The following FER1L6 variants were observed in gnomAD, a reference collection of about 807,000 sequenced individuals.
FER1L6 encodes the protein fer-1 like family member 6.
Under a neutral mutation model 219.2 loss-of-function variants are expected in FER1L6, and 177 were observed. The ratio of observed to expected loss-of-function variants is 0.81; its 90% CI spans 0.71 to 0.91. FER1L6 has a LOEUF of 0.91. Ranked by LOEUF, FER1L6 falls within the 40% of genes least tolerant of loss-of-function variation. The pLI is 0.00. For missense variants in FER1L6, 2,153 were observed against 2,259.9 expected (o/e 0.95, Z 0.96); for synonymous variants, 768 against 824.3 (o/e 0.93, Z 1.17).
chr8:123,900,110 A>T (rs981429082), intron 1 of FER1L6, among the ~76,000 whole-genome samples: 1 of 152,112 alleles, frequency 6.6e-6, no homozygotes. Context: ...CACAATATTG[A>T]TTCTACCCAT....
intron 1 of FER1L6, among the ~76,000 whole-genome samples, chr8:123,919,895 G>C (rs1413009284): frequency 1.3e-5 from 2 of 152,204 alleles, no homozygotes; most frequent in African/African-American, 4.8e-5. Flanking sequence ...GGGCCAGCAA[G>C]GGGGAGCAGG....
chr8:123,966,526 T>A (rs1216925397), intron 5 of FER1L6, among the ~76,000 whole-genome samples: 1 of 152,252 alleles, frequency 6.6e-6, no homozygotes, highest in Non-Finnish European at 1.5e-5. Context: ...TGCTACGTTT[T>A]CAACATACGT....
At chr8:123,987,513 G>A (rs1226377405) in intron 12 of FER1L6, among the ~76,000 whole-genome samples, 1 of 152,098 alleles carries the variant, frequency 6.6e-6, no homozygotes, top group Non-Finnish European at 1.5e-5. Context: ...ATGTACATCA[G>A]CTTTTTAACT....
At chr8:124,057,847 A>G (rs912896847) in intron 22 of FER1L6, among the ~76,000 whole-genome samples, 11 of 151,994 alleles carry the variant, frequency 7.2e-5, no homozygotes, top group Admixed American at 6.5e-4. Context: ...TTCTTTTTTT[A>G]TTATAGATTT....
intron 1 of FER1L6, among the ~76,000 whole-genome samples, chr8:123,935,888 G>T (rs947827173): frequency 1.4e-4 from 21 of 150,540 alleles, no homozygotes; most frequent in Admixed American, 6.6e-4. Context: ...CAGTAAGGGG[G>T]ACCAACAGAA....
chr8:123,953,669 C>T (rs962146678), intron 1 of FER1L6, among the ~76,000 whole-genome samples: 8 of 152,174 alleles, frequency 5.3e-5, no homozygotes, highest in East Asian at 1.9e-4. Flanking sequence ...ATGTCTCCCT[C>T]GGCAGATACT....
chr8:124,097,459 A>C lies in FER1L6; in HGVS notation c.4784+100A>C. 4 of 867,476 alleles carry C rather than the reference A, an allele frequency of 4.6e-6. No homozygotes were observed. The South Asian group carries it at 6.4e-5, about 14-fold the overall frequency. The allele number at this position is 867,476 out of a possible 1,614,324, so 53.7% of individuals were successfully genotyped here. A position where few individuals can be genotyped will look rare whatever the true frequency, so the allele number is the denominator to read the frequency against. On this transcript the variant is annotated intron_variant, in intron 36 of 40. Transcript: ENST00000522917. ...GTGTCTGACAGGTTACCTGATCATC[A>C]TACCTCACTATCCACCCGGCCAGTT... is the stretch of plus-strand genomic sequence containing the variant.
chr8:124,112,885 G>A (rs572691824), intron 39 of FER1L6, among the ~76,000 whole-genome samples: 4 of 152,144 alleles, frequency 2.6e-5, no homozygotes, highest in Non-Finnish European at 4.4e-5. Context: ...AAGATAGGGT[G>A]TATAATGTGA....
chr8:123,889,499 T>G (rs2129691387), intron 1 of FER1L6, among the ~76,000 whole-genome samples: 1 of 152,262 alleles, frequency 6.6e-6, no homozygotes, highest in South Asian at 2.1e-4. Context: ...ATCTGATAGT[T>G]CAGGATTTTT....
At chr8:123,992,339 TTG>T (rs780980198) in intron 12 of FER1L6, among the ~76,000 whole-genome samples, 3 of 152,170 alleles carry the variant, frequency 2.0e-5, no homozygotes, top group Non-Finnish European at 4.4e-5. Context: ...TAGGATTTTT[TTG>T]TTGTTGGCAA....
At chr8:124,028,325 G>A (rs4606041) in intron 18 of FER1L6, among the ~76,000 whole-genome samples, 12,880 of 152,190 alleles carry the variant, frequency 0.085, 1,566 homozygotes, top group African/African-American at 0.27. Context: ...AAAATATCTT[G>A]ATAAGATGAT....
chr8:123,936,629 T>A (rs1415653330), intron 1 of FER1L6, among the ~76,000 whole-genome samples: 2 of 152,192 alleles, frequency 1.3e-5, no homozygotes, highest in African/African-American at 4.8e-5. Flanking sequence ...GTAGCATTCA[T>A]GCTGTCAAAA....
At chr8:123,930,326 C>A (rs1307253918) in intron 1 of FER1L6, among the ~76,000 whole-genome samples, 1 of 150,604 alleles carries the variant, frequency 6.6e-6, no homozygotes, top group Non-Finnish European at 1.5e-5. Context: ...TTTTTTATAA[C>A]CACAGCTTCC....
intron 18 of FER1L6, among the ~76,000 whole-genome samples, chr8:124,032,992 G>C (rs950057223): frequency 6.6e-6 from 1 of 152,208 alleles, no homozygotes; most frequent in Admixed American, 6.5e-5. Context: ...AGTGTGTGAG[G>C]AGCATTGGCT....
chr8:124,015,607 A>ATATATATATATATATATGTATGTATG (rs71289634), intron 15 of FER1L6, among the ~76,000 whole-genome samples: 7 of 88,600 alleles, frequency 7.9e-5, no homozygotes, highest in African/African-American at 3.0e-4. Context: ...ATATATATAT[A>ATATATATATATATATATGTATGTATG]TATATATATT....
At chr8:123,873,424 G>A (rs1356216792) in intron 1 of FER1L6, among the ~76,000 whole-genome samples, 2 of 152,168 alleles carry the variant, frequency 1.3e-5, no homozygotes, top group Admixed American at 1.3e-4. Flanking sequence ...TTTCTCCATG[G>A]AGGAGCCTGT....
chr8:123,922,800 C>T (rs926077289), intron 1 of FER1L6, among the ~76,000 whole-genome samples: 2 of 152,268 alleles, frequency 1.3e-5, no homozygotes, highest in South Asian at 4.1e-4. Context: ...TCTCCTTGAT[C>T]TCATTGACTG....
At chr8:123,875,364 C>T (rs567650018) in intron 1 of FER1L6, among the ~76,000 whole-genome samples, 36 of 152,280 alleles carry the variant, frequency 2.4e-4, no homozygotes, top group Admixed American at 1.2e-3. Context: ...GTTTCTGGGA[C>T]GTCATGGAAT....
In FER1L6 at chr8:124,066,468, A is replaced by G; in HGVS notation, c.3596A>G (p.Lys1199Arg). The change falls in exon 27 of 41, where the codon AAG becomes AGG. Residue 1199 changes from lysine (K) to arginine (R), a missense_variant. Physicochemically the swap from Lys to Arg is conservative, Grantham distance 26 (BLOSUM62 2). Transcript: ENST00000522917. ...KPSRRSTKRR[K>R]RTIADESAEN... ...TCCCGGAGGTCCACTAAGAGGAGAA[A>G]GAGGACCATAGCAGATGAATCTGCT... 6.2e-7 allele frequency: 1 copy of G among 1,614,124 alleles called. No individual in the cohort carries two copies. The highest frequency in any genetic ancestry group is 8.5e-7 in the Non-Finnish European group (1 of 1,179,978).
Sources: gnomAD v4.1 joint callset for allele counts (sites outside exome capture counted in the v4.1 genomes callset) on GRCh38, gnomAD v4.1.1 for gene constraint, MANE v1.5 for transcripts, NCBI Gene and HGNC (gene_info 2026-07-23, HGNC 2026-07-21) for gene names.